Variants in CFAP206 observed in about 807,000 individuals in gnomAD.
CFAP206 encodes the protein cilia- and flagella-associated protein 206.
CFAP206 carries 53 observed loss-of-function variants against 65.4 expected under a neutral mutation model. The observed-to-expected ratio is 0.81, with a 90% confidence interval of 0.65 to 1.02. The LOEUF (loss-of-function observed/expected upper bound fraction) is 1.02. CFAP206 is among the 50% of genes least tolerant of loss of function. CFAP206 has a pLI of 0.00. For missense variants in CFAP206, 663 were observed against 753.2 expected (o/e 0.88, Z 1.40); for synonymous variants, 250 against 254.4 (o/e 0.98, Z 0.17).
chr6:87,427,387 C>T (rs1768061818), intron 8 of CFAP206, among the ~76,000 whole-genome samples: 1 of 152,316 alleles, frequency 6.6e-6, no homozygotes, highest in East Asian at 1.9e-4. Flanking sequence ...GATCTGCCCG[C>T]CTCGGCCTCC....
chr6:87,428,765 A>G lies in CFAP206; in HGVS notation c.1100A>G (p.Gln367Arg). The G allele has an allele frequency of 6.2e-7, 1 of 1,614,156 alleles. No individual in the cohort carries two copies. Among genetic ancestry groups the G allele is most frequent in the Non-Finnish European group, 8.5e-7 (1 of 1,180,016 alleles). The change falls in exon 9 of 13, where the codon CAA becomes CGA. Residue 367 changes from glutamine to arginine, a missense_variant. Gln to Arg is a conservative substitution (Grantham distance 43). Transcript: ENST00000369562. Reference sequence around the variant, plus strand: ...CTATACTTTCCTGAGAGAGTGATGCAATGTCATCTTAATGGAGCGACTGTG... The same window carrying G: ...CTATACTTTCCTGAGAGAGTGATGCGATGTCATCTTAATGGAGCGACTGTG... The part of the protein sequence containing the change: ...HELYFPERVM[Q>R]CHLNGATVKT...
chr6:87,416,965 A>ACTACT (rs1449359827), intron 6 of CFAP206, 138 bp downstream of exon 6: 1 of 738,586 alleles, frequency 1.4e-6, no homozygotes, highest in African/African-American at 1.8e-5. Flanking sequence ...CTTAAGAATA[A>ACTACT]CTACTGTTTA....
chr6:87,426,747 T>G, intron 8 of CFAP206, 102 bp downstream of exon 8: 1 of 926,482 alleles, frequency 1.1e-6, no homozygotes, highest in Non-Finnish European at 1.5e-6. Flanking sequence ...TCTAAAAATA[T>G]AATGTTTTGT....
intron 3 of CFAP206, among the ~76,000 whole-genome samples, chr6:87,412,703 A>C (rs766330333): frequency 6.6e-6 from 1 of 151,906 alleles, no homozygotes; most frequent in Non-Finnish European, 1.5e-5. Flanking sequence ...CTGTCCCCCA[A>C]GCTGGGGTGC....
chr6:87,420,353 T>C (rs1767917387), intron 7 of CFAP206, among the ~76,000 whole-genome samples: 1 of 152,242 alleles, frequency 6.6e-6, no homozygotes, highest in Non-Finnish European at 1.5e-5. Context: ...ATTCATTATA[T>C]AGAATCTTCT....
chr6:87,450,861 C>T (rs73752020), intron 11 of CFAP206, among the ~76,000 whole-genome samples: 78 of 152,258 alleles, frequency 5.1e-4, no homozygotes, highest in Middle Eastern at 3.4e-3. Flanking sequence ...CCACGTGACA[C>T]AGATAGAGAA....
At position 87,426,210 on chromosome 6, in the gene CFAP206, A is replaced by G. The variant is rs374699210; in HGVS notation, c.841-316A>G. The G allele has an allele frequency of 1.4e-3, 213 of 155,708 alleles. 7 individuals are homozygous for G. In the South Asian group the frequency reaches 0.043, roughly 31 times the overall value. The allele number at this position is 155,708 out of a possible 1,614,324, so 9.6% of individuals were successfully genotyped here. A position where few individuals can be genotyped will look rare whatever the true frequency, so the allele number is the denominator to read the frequency against. On this transcript the variant is annotated intron_variant, in intron 7 of 12. Transcript: ENST00000369562. ...TTTATCATTGAGGAATAGGAAAATA[A>G]CAGCTATACAAAAACGGATTCTTGA... is the stretch of plus-strand genomic sequence containing the variant.
rs183282504 is a variant in CFAP206 at position 87,456,507 on chromosome 6, G to T, written c.1495-4515G>T. 7.2e-5 allele frequency among the ~76,000 whole-genome samples: 11 copies of T among 152,204 alleles called. No individual in the cohort carries two copies. In the East Asian group the frequency reaches 2.1e-3, roughly 29 times the overall value. On this transcript the variant is annotated intron_variant, in intron 11 of 12. Coordinates refer to ENST00000369562, the MANE Select transcript of CFAP206 (RefSeq NM_001031743.3). ...AACACTGTTATTTAACATAGTACTG[G>T]AATTCCTAGCTAGAGCAATCAGACA... is the stretch of plus-strand genomic sequence containing the variant.
Position 87,464,453 on chromosome 6 carries a change from C to A in CFAP206, c.*203C>A, listed in dbSNP as rs1273621140. 2.8e-5 allele frequency: 11 copies of A among 389,666 alleles called. No individual in the cohort carries two copies. Among genetic ancestry groups the A allele is most frequent in the Non-Finnish European group, 5.0e-5 (11 of 218,322 alleles). The allele number at this position is 389,666 out of a possible 1,614,324, so 24.1% of individuals were successfully genotyped here. A position where few individuals can be genotyped will look rare whatever the true frequency, so the allele number is the denominator to read the frequency against. On this transcript the variant is annotated 3_prime_UTR_variant, in exon 13 of 13. Transcript: ENST00000369562. ...GTTGAAATTGAAAAATAAAACTGTC[C>A]ATTTATCTTTTATTTGTTAGAAAAA...
rs190146608 is a variant in CFAP206, at chr6:87,429,220, C to G, written c.1159+396C>G. Reference sequence around the variant, plus strand: ...CTAGCCTGGGTGACAGAGTGAGACTCCATCTCAAAAAGAAAAAAAAAAAAA... The same window carrying G: ...CTAGCCTGGGTGACAGAGTGAGACTGCATCTCAAAAAGAAAAAAAAAAAAA... On this transcript the variant is annotated intron_variant, in intron 9 of 12. Coordinates refer to ENST00000369562, the MANE Select transcript of CFAP206 (RefSeq NM_001031743.3). Among the ~76,000 whole-genome samples the G allele has an allele frequency of 9.0e-3, 1,345 of 148,652 alleles. 5 individuals are homozygous for G. Among genetic ancestry groups the G allele is most frequent in the Middle Eastern group, 0.034 (10 of 292 alleles).
At chr6:87,424,063 C>T (rs1582137264) in intron 7 of CFAP206, among the ~76,000 whole-genome samples, 1 of 152,136 alleles carries the variant, frequency 6.6e-6, no homozygotes, top group East Asian at 1.9e-4. Context: ...ACAACCATTT[C>T]TGGTGACATC....
intron 11 of CFAP206, among the ~76,000 whole-genome samples, chr6:87,453,923 C>A (rs1768586819): frequency 6.6e-6 from 1 of 152,036 alleles, no homozygotes; most frequent in African/African-American, 2.4e-5. Context: ...CTAAACAATT[C>A]TCCAATCAAA....
Position 87,418,370 on chromosome 6 carries a change from CGCT to C in CFAP206, c.795_797del (p.Leu266del), listed in dbSNP as rs1051802424. On this transcript the variant is annotated inframe_deletion, in exon 7 of 13. Transcript: ENST00000369562. ...CTTCAGCCATATATGTTAAAAGAAG[CGCT>C]ATATAATATACGACAATATGAGGTC... 1.2e-6 allele frequency: 2 copies of C among 1,613,940 alleles called. No homozygotes were observed. Among genetic ancestry groups the C allele is most frequent in the African/African-American group, 2.7e-5 (2 of 74,858 alleles).
At position 87,464,042 on chromosome 6, in the gene CFAP206, C is replaced by G. The variant is rs201768785; in HGVS notation, c.1661C>G (p.Thr554Ser). The G allele has an allele frequency of 3.7e-6, 6 of 1,611,396 alleles. No individual in the cohort carries two copies. In the African/African-American group the frequency reaches 6.7e-5, roughly 18 times the overall value. ...TAGGCTAATTTGCGCCAGAAAGTTA[C>G]TCACTCAGTACAAACTGATCTTAGT... The part of the protein sequence containing the change: ...IKLANLRQKV[T>S]HSVQTDLSHL... The change falls in exon 13 of 13, where the codon ACT (threonine) becomes AGT (serine). Residue 554 changes from threonine (T) to serine (S), a missense_variant. Coordinates refer to ENST00000369562, the MANE Select transcript of CFAP206 (RefSeq NM_001031743.3).
In CFAP206 at chr6:87,416,718, T is replaced by A. The variant is rs750419478; in HGVS notation, c.522T>A (p.Thr174=). 6.8e-6 allele frequency: 11 copies of A among 1,613,480 alleles called. No individual in the cohort carries two copies. Among genetic ancestry groups the A allele is most frequent in the Non-Finnish European group, 7.6e-6 (9 of 1,179,706 alleles). Residue 174 remains threonine (T), a synonymous_variant, in exon 6 of 13, where the codon ACT becomes ACA. Transcript: ENST00000369562. ...FPQAELGTFL[T]LSKKDKERQL... ...AGGCAGAGCTTGGGACATTTCTAAC[T>A]CTTTCTAAGAAGGACAAAGAACGCC... is the stretch of plus-strand genomic sequence containing the variant.
chr6:87,426,106 C>T (rs1285935437), intron 7 of CFAP206: 1 of 153,526 alleles, frequency 6.5e-6, no homozygotes, highest in East Asian at 1.9e-4. Flanking sequence ...CCTGCTGGCT[C>T]ACTCCTAACA....
In CFAP206 at chr6:87,413,918, T is replaced by C. The variant is rs761021569; in HGVS notation, c.283+18T>C. 4 of 1,290,434 alleles carry C rather than the reference T, an allele frequency of 3.1e-6. No individual in the cohort carries two copies. Among genetic ancestry groups the C allele is most frequent in the Non-Finnish European group, 4.2e-6 (4 of 958,838 alleles). The allele number at this position is 1,290,434 out of a possible 1,614,324, so 79.9% of individuals were successfully genotyped here. ...GAATCGAGGTAATGTATACTACCTA[T>C]TTTTATACTTAAAAAATTTCATACT... On this transcript the variant is annotated intron_variant, in intron 4 of 12. Transcript: ENST00000369562.
At chr6:87,416,632 T>C in intron 5 of CFAP206, 37 bp from the exon 6 acceptor site, 1 of 1,544,506 alleles carries the variant, frequency 6.5e-7, no homozygotes, top group Non-Finnish European at 8.7e-7. Context: ...TATTCTATCA[T>C]TTTGTTTTCC....
At chr6:87,426,020 C>A (rs1055160362) in intron 7 of CFAP206, 3 of 153,552 alleles carry the variant, frequency 2.0e-5, no homozygotes, top group Admixed American at 1.3e-4. Context: ...CTGCTCAGTA[C>A]AAGGATTCTG....
Sources: gnomAD v4.1 joint callset for allele counts (sites outside exome capture counted in the v4.1 genomes callset) on GRCh38, gnomAD v4.1.1 for gene constraint, MANE v1.5 for transcripts, NCBI Gene and HGNC (gene_info 2026-07-23, HGNC 2026-07-21) for gene names.